Variants in NR3C2 observed in about 807,000 individuals in gnomAD.
NR3C2 encodes mineralocorticoid receptor.
Under a neutral mutation model 86.4 loss-of-function variants are expected in NR3C2, and 15 were observed. The observed-to-expected ratio is 0.17, with a 90% CI of 0.12 to 0.27. NR3C2 has a LOEUF of 0.27. Ranked by LOEUF, NR3C2 falls within the 10% of genes least tolerant of loss-of-function variation. NR3C2 has a pLI of 1.00. For missense variants in NR3C2, 960 were observed against 1,195.6 expected (o/e 0.80, Z 2.91); for synonymous variants, 458 against 450.5 (o/e 1.02, Z -0.21).
chr4:148,225,729 A>G (rs979638565), intron 3 of NR3C2, among the ~76,000 whole-genome samples: 1 of 152,156 alleles, frequency 6.6e-6, no homozygotes, highest in African/African-American at 2.4e-5. Flanking sequence ...AAACACAAGA[A>G]AAACATTTTT....
At chr4:148,424,441 T>C (rs972565840) in intron 2 of NR3C2, among the ~76,000 whole-genome samples, 1 of 152,164 alleles carries the variant, frequency 6.6e-6, no homozygotes, top group African/African-American at 2.4e-5. Flanking sequence ...CCTAGGTTTT[T>C]ACTGAACAAA....
At chr4:148,352,563 C>T (rs1332209038) in intron 2 of NR3C2, among the ~76,000 whole-genome samples, 4 of 152,092 alleles carry the variant, frequency 2.6e-5, no homozygotes, top group African/African-American at 9.7e-5. Context: ...GTATTTTCTC[C>T]TACTGGCAAC....
intron 2 of NR3C2, among the ~76,000 whole-genome samples, chr4:148,432,976 A>G (rs189695794): frequency 6.6e-6 from 1 of 152,272 alleles, no homozygotes; most frequent in Admixed American, 6.5e-5. Flanking sequence ...GCACAAAACT[A>G]GTATGTATAT....
chr4:148,362,600 G>T (rs1302605305), intron 2 of NR3C2, among the ~76,000 whole-genome samples: 1 of 152,110 alleles, frequency 6.6e-6, no homozygotes, highest in Non-Finnish European at 1.5e-5. Context: ...CTGCTCAAAA[G>T]TTACAGAGTT....
At chr4:148,279,406 T>C (rs1196551787) in intron 2 of NR3C2, among the ~76,000 whole-genome samples, 3 of 152,238 alleles carry the variant, frequency 2.0e-5, no homozygotes, top group Non-Finnish European at 4.4e-5. Flanking sequence ...ATTCCTTTTC[T>C]TCACATTATT....
chr4:148,233,134 A>G (rs1384217920), intron 3 of NR3C2, among the ~76,000 whole-genome samples: 1 of 152,148 alleles, frequency 6.6e-6, no homozygotes, highest in African/African-American at 2.4e-5. Flanking sequence ...TTTCTTTCTT[A>G]TCATTTGTGT....
At chr4:148,311,012 T>C (rs1720623850) in intron 2 of NR3C2, among the ~76,000 whole-genome samples, 1 of 152,198 alleles carries the variant, frequency 6.6e-6, no homozygotes, top group African/African-American at 2.4e-5. Flanking sequence ...TCTGACCTTA[T>C]AACCTGCAGC....
intron 2 of NR3C2, among the ~76,000 whole-genome samples, chr4:148,265,686 TTC>T (rs1401504869): frequency 3.3e-5 from 5 of 152,244 alleles, no homozygotes; most frequent in Non-Finnish European, 7.3e-5. Flanking sequence ...CTACAGTGTT[TTC>T]TGTTTTTCCA....
At chr4:148,109,855 G>A (rs1731973334) in intron 8 of NR3C2, among the ~76,000 whole-genome samples, 1 of 151,768 alleles carries the variant, frequency 6.6e-6, no homozygotes, top group Admixed American at 6.6e-5. Flanking sequence ...TGCATCAAGA[G>A]GTACTATTAA....
chr4:148,257,655 T>C (rs1181734300), intron 3 of NR3C2, among the ~76,000 whole-genome samples: 1 of 152,028 alleles, frequency 6.6e-6, no homozygotes, highest in East Asian at 1.9e-4. Context: ...AATAATCTCA[T>C]TAATTAAAAA....
intron 2 of NR3C2, among the ~76,000 whole-genome samples, chr4:148,371,143 A>C (rs72729971): frequency 0.23 from 35,049 of 152,132 alleles, 4,178 homozygotes; most frequent in African/African-American, 0.24. Flanking sequence ...ATTGGGGTAA[A>C]TGGGGAATCC....
At chr4:148,380,594 C>T (rs958026835) in intron 2 of NR3C2, among the ~76,000 whole-genome samples, 9 of 152,328 alleles carry the variant, frequency 5.9e-5, no homozygotes, top group Non-Finnish European at 8.8e-5. Context: ...TCACCACATC[C>T]TTACCAATAC....
chr4:148,444,255 G>T, upstream of NR3C2: 1 of 985,352 alleles, frequency 1.0e-6, no homozygotes, highest in Non-Finnish European at 1.2e-6. Flanking sequence ...TATCTCCTTT[G>T]AGGAGGGCCG....
At chr4:148,217,876 C>A (rs887999114) in intron 3 of NR3C2, among the ~76,000 whole-genome samples, 1 of 152,174 alleles carries the variant, frequency 6.6e-6, no homozygotes, top group Non-Finnish European at 1.5e-5. Context: ...CTGCAGCCTT[C>A]GTAATGAACC....
intron 2 of NR3C2, among the ~76,000 whole-genome samples, chr4:148,399,713 C>T (rs139676683): frequency 6.7e-6 from 1 of 150,206 alleles, no homozygotes; most frequent in East Asian, 1.9e-4. Context: ...CACACACATA[C>T]ATATATACAC....
At chr4:148,137,191 G>C (rs983683385) in intron 6 of NR3C2, among the ~76,000 whole-genome samples, 2 of 152,096 alleles carry the variant, frequency 1.3e-5, no homozygotes, top group Admixed American at 1.3e-4. Flanking sequence ...ATAACCATAG[G>C]AAGGTAGAGG....
chr4:148,319,955 CA>C (rs1743468179), intron 2 of NR3C2, among the ~76,000 whole-genome samples: 1 of 145,982 alleles, frequency 6.9e-6, no homozygotes, highest in Non-Finnish European at 1.5e-5. Flanking sequence ...TGTCTTGTGC[CA>C]GTTTTCAAAG....
intron 2 of NR3C2, among the ~76,000 whole-genome samples, chr4:148,393,541 G>T (rs1369431938): frequency 1.3e-5 from 2 of 152,164 alleles, no homozygotes; most frequent in African/African-American, 4.8e-5. Context: ...CAGTGGTGGG[G>T]ACGGTGATGA....
In NR3C2 at chr4:148,143,902, G is replaced by A. The variant is rs575271221; in HGVS notation, c.2510+8567C>T. Among the ~76,000 whole-genome samples, 5 of 129,912 alleles carry A rather than the reference G, an allele frequency of 3.8e-5. No individual in the cohort carries two copies. In the East Asian group the frequency reaches 1.0e-3, roughly 26 times the overall value. The allele number at this position is 129,912 out of a possible 152,430, so 85.2% of individuals were successfully genotyped here. A position where few individuals can be genotyped will look rare whatever the true frequency, so the allele number is the denominator to read the frequency against. On this transcript the variant is annotated intron_variant, in intron 6 of 8. Coordinates refer to ENST00000358102, the MANE Select transcript of NR3C2 (RefSeq NM_000901.5). Reference sequence around the variant, plus strand: ...GCGGAGTTTGCGGTGAGCCGAGATCGCACCATTGCACTCCAGCCTGGGCAA... The same window carrying A: ...GCGGAGTTTGCGGTGAGCCGAGATCACACCATTGCACTCCAGCCTGGGCAA...
Sources: gnomAD v4.1 joint callset for allele counts (sites outside exome capture counted in the v4.1 genomes callset) on GRCh38, gnomAD v4.1.1 for gene constraint, MANE v1.5 for transcripts, NCBI Gene and HGNC (gene_info 2026-07-23, HGNC 2026-07-21) for gene names.